Variants in CABIN1 observed in about 807,000 individuals in gnomAD.
CABIN1 encodes calcineurin binding protein 1, also known as calcineurin-binding protein cabin-1.
In CABIN1, 133 loss-of-function variants were observed where a neutral mutation model predicts 227.7. The observed-to-expected ratio is 0.58, with a 90% confidence interval of 0.51 to 0.67. The LOEUF (loss-of-function observed/expected upper bound fraction) is 0.67. CABIN1 is among the 30% of genes least tolerant of loss of function. The probability of loss-of-function intolerance (pLI) is 0.00; values close to 1 mark genes in which losing one functional copy is unlikely to be tolerated. For synonymous variants in CABIN1, 1,086 were observed against 1,155.1 expected (o/e 0.94, Z 1.21); for missense variants, 2,408 against 2,852.5 (o/e 0.84, Z 3.55).
At chr22:24,134,552 A>G (rs2148199488) in intron 29 of CABIN1, 137 bp downstream of exon 29, 4 of 719,474 alleles carry the variant, frequency 5.6e-6, no homozygotes, top group Non-Finnish European at 9.9e-6. Flanking sequence ...GCAGGGTGGT[A>G]CAGTCGAGAG....
At chr22:24,163,961 G>A (rs1182989910) in intron 29 of CABIN1, among the ~76,000 whole-genome samples, 3 of 152,186 alleles carry the variant, frequency 2.0e-5, no homozygotes, top group African/African-American at 7.2e-5. Context: ...AGTGGGTGAG[G>A]GCAGAGCCTA....
intron 29 of CABIN1, among the ~76,000 whole-genome samples, chr22:24,156,772 G>T (rs1192750651): frequency 2.0e-5 from 3 of 152,202 alleles, no homozygotes; most frequent in East Asian, 1.9e-4. Context: ...CATGGGATGG[G>T]GGGTGGGCAC....
chr22:24,144,041 C>T (rs2044953753), intron 29 of CABIN1, among the ~76,000 whole-genome samples: 2 of 152,348 alleles, frequency 1.3e-5, no homozygotes, highest in African/African-American at 4.8e-5. Flanking sequence ...ATTCCTGACA[C>T]AGTGGGCCAG....
At chr22:24,034,094 G>A (rs1426851937) in intron 1 of CABIN1, among the ~76,000 whole-genome samples, 2 of 152,234 alleles carry the variant, frequency 1.3e-5, no homozygotes, top group Non-Finnish European at 2.9e-5. Context: ...GCACAACCGA[G>A]ATCCCTCGCA....
At chr22:24,065,294 C>T (rs1437411489) in intron 15 of CABIN1, among the ~76,000 whole-genome samples, 2 of 145,258 alleles carry the variant, frequency 1.4e-5, no homozygotes, top group African/African-American at 5.2e-5. Flanking sequence ...TCAGACGGGG[C>T]GGCCGGGCAG....
chr22:24,035,408 T>G, intron 1 of CABIN1, 36 bp from the exon 2 acceptor site: 1 of 1,449,488 alleles, frequency 6.9e-7, no homozygotes, highest in Non-Finnish European at 9.7e-7. Flanking sequence ...TGGCTCTTCA[T>G]AGGCCTTGTC....
At chr22:24,123,787 G>T (rs972401021) in intron 28 of CABIN1, among the ~76,000 whole-genome samples, 1 of 152,242 alleles carries the variant, frequency 6.6e-6, no homozygotes, top group Non-Finnish European at 1.5e-5. Context: ...TTCCCGCTGT[G>T]TATATTTGAC....
At chr22:24,131,722 C>T (rs923684270) in intron 28 of CABIN1, among the ~76,000 whole-genome samples, 3 of 152,180 alleles carry the variant, frequency 2.0e-5, no homozygotes, top group Non-Finnish European at 4.4e-5. Context: ...AGGGAGGTCC[C>T]CTTTGCAGCC....
intron 9 of CABIN1, 101 bp downstream of exon 9, chr22:24,055,260 C>G: frequency 7.5e-7 from 1 of 1,333,140 alleles, no homozygotes; most frequent in Non-Finnish European, 1.0e-6. Flanking sequence ...ACAGAAGGGT[C>G]ATGCTGATGC....
chr22:24,091,491 C>A, intron 23 of CABIN1, 92 bp from the exon 24 acceptor site: 1 of 1,528,410 alleles, frequency 6.5e-7, no homozygotes, highest in Non-Finnish European at 9.1e-7. Context: ...TATAAACTTG[C>A]AAATAGGTCG....
Position 24,178,154 on chromosome 22 carries a change from G to A in CABIN1, c.6621G>A (p.Leu2207=), listed in dbSNP as rs1034664124. 20 of 1,613,526 alleles carry A rather than the reference G, an allele frequency of 1.2e-5. No individual in the cohort carries two copies. The highest frequency in any genetic ancestry group is 1.6e-5 in the Non-Finnish European group (19 of 1,179,972). ...VLETSSQESS[L]ESETDEDDDY... ...AGACATCCAGCCAGGAGTCCTCGCT[G>A]GAGAGCGAGACAGACGAGGACGACG... Residue 2207 remains leucine, a synonymous_variant, in exon 37 of 37, where the codon CTG becomes CTA. Transcript: ENST00000263119.
chr22:24,036,582 G>A (rs1010077374), intron 3 of CABIN1, among the ~76,000 whole-genome samples: 1 of 152,118 alleles, frequency 6.6e-6, no homozygotes, highest in Non-Finnish European at 1.5e-5. Flanking sequence ...TCACCCTCCA[G>A]GTCAGTGAGG....
intron 29 of CABIN1, among the ~76,000 whole-genome samples, chr22:24,143,556 C>T (rs1270966839): frequency 2.0e-5 from 3 of 152,182 alleles, no homozygotes; most frequent in African/African-American, 4.8e-5. Flanking sequence ...AGGCTGAGAG[C>T]AGTGACAATG....
chr22:24,030,539 G>A (rs2036423026), intron 1 of CABIN1, among the ~76,000 whole-genome samples: 1 of 152,190 alleles, frequency 6.6e-6, no homozygotes, highest in African/African-American at 2.4e-5. Flanking sequence ...GCCAGCACAG[G>A]TGCCCTTTTA....
intron 1 of CABIN1, among the ~76,000 whole-genome samples, chr22:24,031,086 A>G (rs1001778242): frequency 2.0e-5 from 3 of 152,250 alleles, no homozygotes; most frequent in Admixed American, 2.0e-4. Context: ...GGACCCTGCC[A>G]CCGCCACACA....
At chr22:24,089,597 CT>C (rs1737905802) in intron 23 of CABIN1, among the ~76,000 whole-genome samples, 1 of 152,172 alleles carries the variant, frequency 6.6e-6, no homozygotes, top group Non-Finnish European at 1.5e-5. Context: ...CTTGTGCCTC[CT>C]GGGTTTTTTC....
intron 15 of CABIN1, among the ~76,000 whole-genome samples, chr22:24,065,413 C>T (rs1382795095): frequency 2.4e-4 from 36 of 150,644 alleles, no homozygotes; most frequent in African/African-American, 3.9e-4. Flanking sequence ...GATGGGGCGG[C>T]GGGGCAGAGG....
intron 26 of CABIN1, among the ~76,000 whole-genome samples, chr22:24,107,693 A>G (rs971990176): frequency 6.6e-6 from 1 of 152,186 alleles, no homozygotes; most frequent in African/African-American, 2.4e-5. Context: ...TTGAGAGTAA[A>G]TATCTACTTG....
chr22:24,143,105 C>G (rs779114168), intron 29 of CABIN1, among the ~76,000 whole-genome samples: 7 of 152,192 alleles, frequency 4.6e-5, no homozygotes, highest in Non-Finnish European at 8.8e-5. Context: ...AGTAAAGTGA[C>G]TTGGCCATGG....
Sources: gnomAD v4.1 joint callset for allele counts (sites outside exome capture counted in the v4.1 genomes callset) on GRCh38, gnomAD v4.1.1 for gene constraint, MANE v1.5 for transcripts, NCBI Gene and HGNC (gene_info 2026-07-23, HGNC 2026-07-21) for gene names.